Variants in MSI2 observed in about 807,000 individuals in gnomAD.
The protein encoded by MSI2 is musashi RNA binding protein 2, also known as RNA-binding protein Musashi homolog 2.
MSI2 carries 17 observed loss-of-function variants against 45.6 expected under a neutral mutation model. That is an observed-to-expected ratio of 0.37 (90% CI 0.26 to 0.56). MSI2 has a LOEUF of 0.56. Ranked by LOEUF, MSI2 falls within the 20% of genes least tolerant of loss-of-function variation. MSI2 has a pLI of 0.77. For synonymous variants in MSI2, 156 were observed against 158.2 expected, an observed-to-expected ratio of 0.99 and a Z score of 0.11; for missense variants, 293 against 444.2, an observed-to-expected ratio of 0.66 and a Z score of 3.06.
At chr17:57,530,506 A>C (rs1391319963) in intron 7 of MSI2, among the ~76,000 whole-genome samples, 1 of 152,178 alleles carries the variant, frequency 6.6e-6, no homozygotes, top group Non-Finnish European at 1.5e-5. Flanking sequence ...TAGCAGAGTC[A>C]AAGGAGGTGA....
intron 7 of MSI2, among the ~76,000 whole-genome samples, chr17:57,566,570 T>C (rs1389678195): frequency 6.6e-6 from 1 of 152,024 alleles, no homozygotes; most frequent in African/African-American, 2.4e-5. Flanking sequence ...TAGATTTGTG[T>C]TGGTAGAGGG....
intron 10 of MSI2, among the ~76,000 whole-genome samples, chr17:57,637,430 A>G (rs143866582): frequency 6.6e-6 from 1 of 152,358 alleles, no homozygotes; most frequent in Non-Finnish European, 1.5e-5. Context: ...AAACGTTTGC[A>G]GAAATGAATT....
chr17:57,698,360 C>T, the MSI2 span, among the ~76,000 whole-genome samples: 4 of 152,228 alleles, frequency 2.6e-5, no homozygotes, highest in African/African-American at 9.6e-5. Flanking sequence ...CGCTGTGGGG[C>T]ACCAGAGTGT....
chr17:57,324,033 G>T (rs1334248092), intron 5 of MSI2, among the ~76,000 whole-genome samples: 3 of 152,222 alleles, frequency 2.0e-5, no homozygotes, highest in Non-Finnish European at 4.4e-5. Context: ...ATAAGGCCAG[G>T]TGTGGTGGCC....
chr17:57,587,768 A>G (rs1904441828), intron 7 of MSI2, among the ~76,000 whole-genome samples: 1 of 152,198 alleles, frequency 6.6e-6, no homozygotes, highest in South Asian at 2.1e-4. Context: ...AGGCAAGTTG[A>G]GAAAATAAAT....
chr17:57,513,133 C>T (rs1327274227), intron 6 of MSI2, among the ~76,000 whole-genome samples: 2 of 151,946 alleles, frequency 1.3e-5, no homozygotes, highest in Admixed American at 6.6e-5. Flanking sequence ...GCCACCACTG[C>T]TGGCTAATTT....
chr17:57,263,077 GGTT>G (rs1490445274), intron 5 of MSI2, among the ~76,000 whole-genome samples: 7 of 152,214 alleles, frequency 4.6e-5, no homozygotes, highest in African/African-American at 1.7e-4. Flanking sequence ...AGTCGGAAAA[GGTT>G]GTGGCTTTAG....
intron 7 of MSI2, chr17:57,532,355 C>G (rs2086839067): frequency 6.6e-6 from 1 of 152,228 alleles, no homozygotes; most frequent in Non-Finnish European, 1.5e-5. Flanking sequence ...TGCCCTCCCT[C>G]TCATCCAGGG....
chr17:57,653,086 C>T (rs1250608269), intron 11 of MSI2, among the ~76,000 whole-genome samples: 3 of 144,332 alleles, frequency 2.1e-5, no homozygotes, highest in Non-Finnish European at 3.0e-5. Flanking sequence ...TCACAGGGCT[C>T]TGAGGAGGGT....
intron 10 of MSI2, chr17:57,630,210 A>G (rs1909234545): frequency 6.6e-6 from 1 of 152,100 alleles, no homozygotes; most frequent in Non-Finnish European, 1.5e-5. Context: ...GGCTGCAGGA[A>G]GGAGGATAGA....
At chr17:57,633,151 A>T (rs1302223189) in intron 10 of MSI2, 2 of 1,020,380 alleles carry the variant, frequency 2.0e-6, no homozygotes, top group African/African-American at 3.4e-5. Flanking sequence ...CCTGTAAGCA[A>T]CCGAGGTAGA....
intron 10 of MSI2, among the ~76,000 whole-genome samples, chr17:57,635,044 A>G (rs57775787): frequency 0.47 from 71,807 of 151,692 alleles, 17,912 homozygotes; most frequent in African/African-American, 0.57. Flanking sequence ...ATAAAAATAA[A>G]GGATTTTGGT....
At chr17:57,542,377 T>C (rs1191704519) in intron 7 of MSI2, among the ~76,000 whole-genome samples, 1 of 152,236 alleles carries the variant, frequency 6.6e-6, no homozygotes, top group Non-Finnish European at 1.5e-5. Flanking sequence ...CCGACTTTGA[T>C]TTTCTCATGT....
At chr17:57,283,765 C>A (rs747538032) in intron 5 of MSI2, among the ~76,000 whole-genome samples, 1 of 152,204 alleles carries the variant, frequency 6.6e-6, no homozygotes, top group Non-Finnish European at 1.5e-5. Flanking sequence ...TTAAAGGAGG[C>A]AGAAGACCAC....
downstream of MSI2, among the ~76,000 whole-genome samples, chr17:57,685,084 G>A (rs189277311): frequency 3.5e-4 from 53 of 152,194 alleles, no homozygotes; most frequent in African/African-American, 1.2e-3. Context: ...GCGCCAAACC[G>A]CATTCCACGA....
In MSI2 at chr17:57,477,334, C is replaced by A. The variant is rs886544967; in HGVS notation, c.406-52342C>A. Among the ~76,000 whole-genome samples the A allele has an allele frequency of 3.3e-5, 5 of 152,160 alleles. No individual in the cohort carries two copies. The East Asian group carries it at 9.6e-4, about 29-fold the overall frequency. ...AATTGCCTGTTAATGGATTCAGCAT[C>A]TGGCAGTTTCACCAAAAGCCGACTG... On this transcript the variant is annotated intron_variant, in intron 6 of 13. Transcript: ENST00000284073.
At chr17:57,399,766 A>G (rs2083955039) in intron 5 of MSI2, among the ~76,000 whole-genome samples, 2 of 152,222 alleles carry the variant, frequency 1.3e-5, no homozygotes, top group African/African-American at 2.4e-5. Flanking sequence ...TGGAGCCCTG[A>G]CCCAGCATCT....
At chr17:57,295,098 G>A (rs889676495) in intron 5 of MSI2, among the ~76,000 whole-genome samples, 16 of 152,216 alleles carry the variant, frequency 1.1e-4, no homozygotes, top group African/African-American at 3.9e-4. Flanking sequence ...AAAGAATTGG[G>A]ATGGGGGGAA....
intron 6 of MSI2, among the ~76,000 whole-genome samples, chr17:57,520,132 A>C (rs971926887): frequency 6.6e-5 from 10 of 152,252 alleles, no homozygotes; most frequent in African/African-American, 2.4e-4. Context: ...CAGTAATTAA[A>C]TGAGCTTTGC....
Sources: allele counts gnomAD v4.1 joint callset (sites outside exome capture counted in the v4.1 genomes callset), GRCh38; gene constraint gnomAD v4.1.1; transcripts MANE v1.5; gene names NCBI Gene and HGNC (gene_info 2026-07-23, HGNC 2026-07-21).